The following CLSTN2 variants were observed in gnomAD, a reference collection of about 807,000 sequenced individuals.
CLSTN2 encodes calsyntenin-2.
A neutral mutation model predicts 101.2 loss-of-function variants in CLSTN2; 48 were observed. The ratio of observed to expected loss-of-function variants is 0.47; its 90% CI spans 0.38 to 0.60. The LOEUF (loss-of-function observed/expected upper bound fraction) is 0.60. Ranked by LOEUF, CLSTN2 falls within the 20% of genes least tolerant of loss-of-function variation. The pLI, the probability that CLSTN2 is intolerant of heterozygous loss-of-function variation, is 0.00. For synonymous variants in CLSTN2, 481 were observed against 463.6 expected, an observed-to-expected ratio of 1.04 and a Z score of -0.48; for missense variants, 1,160 against 1,238.2, an observed-to-expected ratio of 0.94 and a Z score of 0.95.
At chr3:140,175,922 C>CT in intron 1 of CLSTN2, 29 bp from the exon 2 acceptor site, 2 of 1,595,030 alleles carry the variant, frequency 1.3e-6, no homozygotes, top group Non-Finnish European at 1.7e-6. Flanking sequence ...AATAATGATC[C>CT]TTTTTGTTTT....
At position 140,333,060 on chromosome 3, in the gene CLSTN2, A is replaced by T. The variant is rs567279984; in HGVS notation, c.233-70569A>T. Among the ~76,000 whole-genome samples, 3 of 152,300 alleles carry T rather than the reference A, an allele frequency of 2.0e-5. No homozygotes were observed. The South Asian group carries it at 6.2e-4, about 32-fold the overall frequency. ...TAAAAGAGACAGTACAGCTGTAAGT[A>T]CCTGGCCCAGAGCTTGACTGAGTAG... On this transcript the variant is annotated intron_variant, in intron 2 of 16. Coordinates refer to ENST00000458420, the MANE Select transcript of CLSTN2 (RefSeq NM_022131.3).
intron 2 of CLSTN2, among the ~76,000 whole-genome samples, chr3:140,202,053 G>T (rs140784973): frequency 1.2e-3 from 181 of 152,312 alleles, no homozygotes; most frequent in Non-Finnish European, 2.0e-3. Flanking sequence ...GCTATTTAGG[G>T]AAAGCCTGGA....
intron 1 of CLSTN2, among the ~76,000 whole-genome samples, chr3:140,046,295 G>C (rs1403883548): frequency 6.6e-6 from 1 of 152,072 alleles, no homozygotes; most frequent in East Asian, 1.9e-4. Flanking sequence ...TTTGATCTTT[G>C]TTGGTTTAAA....
rs532546197 is a variant in CLSTN2 at position 140,577,163 on chromosome 3, G to A, written c.*10910G>A. On this transcript the variant is annotated 3_prime_UTR_variant, in exon 17 of 17. Transcript: ENST00000458420. Reference sequence around the variant, plus strand: ...AAAATAAGGATCATCACAGGAATCTGTTGGGCTTCTCCCCATGACTGTGAT... The same window carrying A: ...AAAATAAGGATCATCACAGGAATCTATTGGGCTTCTCCCCATGACTGTGAT... 9 of 152,202 alleles carry A rather than the reference G, an allele frequency of 5.9e-5. No homozygotes were observed. Among genetic ancestry groups the A allele is most frequent in the Non-Finnish European group, 1.2e-4 (8 of 68,046 alleles). 9.4% of individuals were successfully genotyped at this position (152,202 alleles called of 1,614,324 possible).
intron 2 of CLSTN2, among the ~76,000 whole-genome samples, chr3:140,176,507 G>A (rs1012359965): frequency 6.6e-5 from 10 of 152,242 alleles, no homozygotes; most frequent in African/African-American, 2.4e-4. Context: ...GGAAATATCT[G>A]CTAAGAGTGG....
intron 4 of CLSTN2, among the ~76,000 whole-genome samples, chr3:140,416,267 A>T (rs1008005261): frequency 9.9e-5 from 15 of 152,150 alleles, no homozygotes; most frequent in African/African-American, 3.6e-4. Context: ...TTAATATAAG[A>T]TGAATAAATA....
At chr3:140,161,271 A>C (rs1009428505) in intron 1 of CLSTN2, among the ~76,000 whole-genome samples, 4 of 152,230 alleles carry the variant, frequency 2.6e-5, no homozygotes, top group African/African-American at 9.6e-5. Flanking sequence ...GAAAATTCAG[A>C]GTCCAAATGT....
intron 1 of CLSTN2, among the ~76,000 whole-genome samples, chr3:140,141,193 G>A (rs925301056): frequency 1.3e-5 from 2 of 152,200 alleles, no homozygotes; most frequent in Non-Finnish European, 2.9e-5. Context: ...AGTCTGAGAG[G>A]AGGTGGGGAT....
At chr3:140,344,898 G>A (rs544976225) in intron 2 of CLSTN2, among the ~76,000 whole-genome samples, 5 of 152,248 alleles carry the variant, frequency 3.3e-5, no homozygotes, top group Admixed American at 6.5e-5. Context: ...AGGGGATTGC[G>A]ACTTCTCTAC....
intron 1 of CLSTN2, among the ~76,000 whole-genome samples, chr3:140,074,306 C>G (rs530349214): frequency 1.3e-5 from 2 of 152,146 alleles, no homozygotes; most frequent in East Asian, 3.9e-4. Context: ...CACCCCCCAA[C>G]AGTGGATGGA....
intron 8 of CLSTN2, among the ~76,000 whole-genome samples, chr3:140,509,360 C>T (rs1249671878): frequency 6.6e-6 from 1 of 152,158 alleles, no homozygotes; most frequent in Non-Finnish European, 1.5e-5. Context: ...TGGCCAAGCC[C>T]TGCTCCTGGA....
chr3:140,374,904 A>T (rs185102837), intron 2 of CLSTN2, among the ~76,000 whole-genome samples: 1 of 152,220 alleles, frequency 6.6e-6, no homozygotes, highest in African/African-American at 2.4e-5. Context: ...AGACAACTTT[A>T]TCACTCCAAT....
intron 2 of CLSTN2, among the ~76,000 whole-genome samples, chr3:140,247,958 C>A (rs542447458): frequency 6.6e-5 from 10 of 152,288 alleles, no homozygotes; most frequent in African/African-American, 2.4e-4. Flanking sequence ...GGGCCAGTCA[C>A]AAGGATTTTT....
chr3:140,039,042 G>A (rs1033596551), intron 1 of CLSTN2, among the ~76,000 whole-genome samples: 1 of 152,106 alleles, frequency 6.6e-6, no homozygotes, highest in African/African-American at 2.4e-5. Context: ...TCTACTCATT[G>A]CCTTTCTTCT....
intron 2 of CLSTN2, among the ~76,000 whole-genome samples, chr3:140,241,340 T>G (rs975362525): frequency 1.3e-5 from 2 of 152,164 alleles, no homozygotes; most frequent in Admixed American, 1.3e-4. Context: ...AAGAAAGTGT[T>G]GTGTGAGGGC....
chr3:139,937,170 A>C (rs1935037201), intron 1 of CLSTN2, among the ~76,000 whole-genome samples: 1 of 152,204 alleles, frequency 6.6e-6, no homozygotes, highest in Non-Finnish European at 1.5e-5. Context: ...AGATGTCTGC[A>C]AACGGGAGTT....
rs1436132467 is a variant in CLSTN2, at chr3:140,572,899, C to A, written c.*6646C>A. Reference sequence around the variant, plus strand: ...GCCCCCATCCTGGGCCTTTTTGGCTCCAGTTTATACTCACTGAAGCAGTGG... The same window carrying A: ...GCCCCCATCCTGGGCCTTTTTGGCTACAGTTTATACTCACTGAAGCAGTGG... On this transcript the variant is annotated 3_prime_UTR_variant, in exon 17 of 17. Transcript: ENST00000458420. 1 of 152,264 alleles carries A rather than the reference C, an allele frequency of 6.6e-6. No individual in the cohort carries two copies. Among genetic ancestry groups the A allele is most frequent in the Non-Finnish European group, 1.5e-5 (1 of 68,116 alleles). The allele number at this position is 152,264 out of a possible 1,614,324, so 9.4% of individuals were successfully genotyped here. A position where few individuals can be genotyped will look rare whatever the true frequency, so the allele number is the denominator to read the frequency against.
intron 2 of CLSTN2, among the ~76,000 whole-genome samples, chr3:140,340,199 T>G (rs1176115835): frequency 1.3e-5 from 2 of 152,274 alleles, no homozygotes; most frequent in South Asian, 2.1e-4. Flanking sequence ...TCCTACAATA[T>G]GCATTTTATC....
chr3:139,998,336 C>CTTTTTTTTTTTTTTTTTTT lies in CLSTN2; in HGVS notation c.109+62855_109+62873dup, dbSNP rs60541490. Among the ~76,000 whole-genome samples, 212 of 66,804 alleles carry CTTTTTTTTTTTTTTTTTTT rather than the reference C, an allele frequency of 3.2e-3. 35 individuals carry two copies. Among genetic ancestry groups the CTTTTTTTTTTTTTTTTTTT allele is most frequent in the African/African-American group, 6.3e-3 (87 of 13,818 alleles). 43.8% of individuals were successfully genotyped at this position (66,804 alleles called of 152,430 possible). On this transcript the variant is annotated intron_variant, in intron 1 of 16. Coordinates refer to ENST00000458420, the MANE Select transcript of CLSTN2 (RefSeq NM_022131.3). ...ATGGGATAATAGTTCCCCCACATGC[C>CTTTTTTTTTTTTTTTTTTT]TTTTTTTTTTTTTTTTTTTTGTGAC...
Sources: gnomAD v4.1 joint callset for allele counts (sites outside exome capture counted in the v4.1 genomes callset) on GRCh38, gnomAD v4.1.1 for gene constraint, MANE v1.5 for transcripts, NCBI Gene and HGNC (gene_info 2026-07-23, HGNC 2026-07-21) for gene names.